BTBD8: variants seen among roughly 807,000 people sequenced by gnomAD.
The protein encoded by BTBD8 is BTB domain containing 8, also known as BTB/POZ domain-containing protein 8.
A neutral mutation model predicts 162.9 loss-of-function variants in BTBD8; 110 were observed. The ratio of observed to expected loss-of-function variants is 0.68; its 90% CI spans 0.58 to 0.79. The LOEUF (loss-of-function observed/expected upper bound fraction) is 0.79, where lower values mean the gene tolerates loss of function less well. Ranked by LOEUF, BTBD8 falls within the 30% of genes least tolerant of loss-of-function variation. BTBD8 has a pLI of 0.00. For missense variants in BTBD8, 1,905 were observed against 2,085.4 expected (o/e 0.91, Z 1.68); for synonymous variants, 667 against 716.1 (o/e 0.93, Z 1.10).
At chr1:92,151,352 CAAAAA>C (rs11406119) in intron 9 of BTBD8, among the ~76,000 whole-genome samples, 1 of 127,966 alleles carries the variant, frequency 7.8e-6, no homozygotes, top group Non-Finnish European at 1.6e-5. Flanking sequence ...GAAACTGTCT[CAAAAA>C]AAAAAAAAAA....
chr1:92,116,425 G>A (rs1649044194), intron 4 of BTBD8, among the ~76,000 whole-genome samples: 1 of 152,008 alleles, frequency 6.6e-6, no homozygotes, highest in South Asian at 2.1e-4. Flanking sequence ...TACTGATGGA[G>A]TATTGAAGTC....
intron 4 of BTBD8, chr1:92,126,463 T>C: frequency 2.2e-6 from 2 of 897,114 alleles, no homozygotes; most frequent in South Asian, 1.3e-5. Flanking sequence ...TGTCACTGTC[T>C]GAAATCTGCC....
At chr1:92,096,553 T>C (rs374983895) in intron 2 of BTBD8, among the ~76,000 whole-genome samples, 2 of 140,296 alleles carry the variant, frequency 1.4e-5, no homozygotes, top group East Asian at 4.0e-4. Flanking sequence ...TATATTTCCT[T>C]TTTTTTTTTT....
chr1:92,181,927 T>C lies in BTBD8; in HGVS notation c.4244T>C (p.Leu1415Ser). Reference protein sequence around the residue: ...APQQFQGIINLAFEDATENEC... With the variant: ...APQQFQGIINSAFEDATENEC... Reference sequence around the variant, plus strand: ...CAGCAGTTTCAGGGAATAATTAATTTAGCTTTTGAAGATGCAACTGAAAAT... The same window carrying C: ...CAGCAGTTTCAGGGAATAATTAATTCAGCTTTTGAAGATGCAACTGAAAAT... Residue 1415 changes from leucine (L) to serine (S), a missense_variant, in exon 17 of 18, where the codon TTA (leucine) becomes TCA (serine). Physicochemically the swap from Leu to Ser is moderately radical, Grantham distance 145 (BLOSUM62 -2). Transcript: ENST00000636805. The C allele has an allele frequency of 1.9e-6, 3 of 1,551,590 alleles. No individual in the cohort carries two copies. Among genetic ancestry groups the C allele is most frequent in the Non-Finnish European group, 2.6e-6 (3 of 1,146,902 alleles).
At chr1:92,112,700 T>C (rs898421444) in intron 4 of BTBD8, among the ~76,000 whole-genome samples, 13 of 152,180 alleles carry the variant, frequency 8.5e-5, no homozygotes, top group African/African-American at 3.1e-4. Flanking sequence ...CTATAGTCAA[T>C]GGATGTCACA....
chr1:92,080,704 A>G lies in BTBD8; in HGVS notation c.133A>G (p.Ser45Gly), dbSNP rs916389575. Residue 45 changes from serine to glycine, a missense_variant, in exon 1 of 18, where the codon AGC becomes GGC. Physicochemically the swap from Ser to Gly is moderately conservative, Grantham distance 56. Coordinates refer to ENST00000636805, the MANE Select transcript of BTBD8 (RefSeq NM_001376131.1). ...RLKATVSEQL[S>G]QDLLRLLREE... is the part of the protein sequence containing the mutation. ...GAAGGCGACGGTGTCGGAGCAGCTC[A>G]GCCAGGATTTGCTCAGGTAGGAGGA... 1.2e-6 allele frequency: 2 copies of G among 1,611,612 alleles called. No homozygotes were observed. The highest frequency in any genetic ancestry group is 1.7e-6 in the Non-Finnish European group (2 of 1,179,124).
At chr1:92,107,782 A>G in intron 3 of BTBD8, 102 bp from the exon 4 acceptor site, 1 of 877,808 alleles carries the variant, frequency 1.1e-6, no homozygotes, top group South Asian at 1.8e-5. Flanking sequence ...ATTCCAACTA[A>G]TTGAGATAAT....
At chr1:92,109,083 G>A (rs553861) in intron 4 of BTBD8, among the ~76,000 whole-genome samples, 107,644 of 152,026 alleles carry the variant, frequency 0.71, 38,729 homozygotes, top group East Asian at 0.97. Context: ...CTATGGGACT[G>A]TGTACTTTGT....
chr1:92,169,718 T>C (rs1014825274), intron 12 of BTBD8, among the ~76,000 whole-genome samples: 1 of 152,226 alleles, frequency 6.6e-6, no homozygotes, highest in Non-Finnish European at 1.5e-5. Flanking sequence ...GACTGAATTT[T>C]ATGAAGCAAA....
At position 92,184,129 on chromosome 1, in the gene BTBD8, G is replaced by C; in HGVS notation, c.5178G>C (p.Gln1726His). The change falls in exon 18 of 18, where the codon CAG becomes CAC. Residue 1726 changes from glutamine to histidine, a missense_variant. Physicochemically the swap from Gln to His is conservative, Grantham distance 24 (BLOSUM62 0). Transcript: ENST00000636805. ...NSVPEDLSLA[Q>H]YLINQTLLLA... ...TTCCTGAAGACTTAAGTTTAGCACA[G>C]TATCTAATCAATCAGACACTACTTT... 6 of 1,551,638 alleles carry C rather than the reference G, an allele frequency of 3.9e-6. No homozygotes were observed. Among genetic ancestry groups the C allele is most frequent in the Non-Finnish European group, 5.2e-6 (6 of 1,146,866 alleles).
chr1:92,174,563 AG>A (rs1258487344), intron 13 of BTBD8, among the ~76,000 whole-genome samples: 1 of 152,164 alleles, frequency 6.6e-6, no homozygotes, highest in Non-Finnish European at 1.5e-5. Context: ...TTCAGTGTTA[AG>A]GGTGGGAAGG....
intron 1 of BTBD8, among the ~76,000 whole-genome samples, chr1:92,081,575 C>T (rs938615728): frequency 1.3e-5 from 2 of 151,856 alleles, no homozygotes; most frequent in Non-Finnish European, 2.9e-5. Flanking sequence ...GTGCAGCATT[C>T]TACTTTTTTT....
chr1:92,161,373 C>T (rs1462235378), intron 9 of BTBD8, among the ~76,000 whole-genome samples: 1 of 152,164 alleles, frequency 6.6e-6, no homozygotes, highest in Non-Finnish European at 1.5e-5. Context: ...TATGAAAGTG[C>T]TGCTACATTA....
At chr1:92,088,068 C>T (rs969637510) in intron 1 of BTBD8, among the ~76,000 whole-genome samples, 5 of 152,098 alleles carry the variant, frequency 3.3e-5, no homozygotes, top group African/African-American at 7.2e-5. Context: ...GAAAGGATCA[C>T]GAATCCATCA....
In BTBD8 at chr1:92,129,755, A is replaced by G. The variant is rs950296258; in HGVS notation, c.731A>G (p.Gln244Arg). ...AGTGGCTGTTGGGCTGAAAGCTCCCAAGAGTACGTTACTCTTCAAGGGTAA... is the reference window on the plus strand; with the variant it reads ...AGTGGCTGTTGGGCTGAAAGCTCCCGAGAGTACGTTACTCTTCAAGGGTAA... ...MLSGCWAESS[Q>R]EYVTLQGISH... is the part of the protein sequence containing the mutation. Residue 244 changes from glutamine to arginine, a missense_variant, in exon 5 of 18, where the codon CAA becomes CGA. By Grantham distance (43) the Gln-to-Arg change is conservative. Coordinates refer to ENST00000636805, the MANE Select transcript of BTBD8 (RefSeq NM_001376131.1). 6.2e-7 allele frequency: 1 copy of G among 1,614,036 alleles called. No homozygotes were observed. The highest frequency in any genetic ancestry group is 1.3e-5 in the African/African-American group (1 of 75,054).
intron 5 of BTBD8, among the ~76,000 whole-genome samples, chr1:92,137,123 A>T (rs1418877114): frequency 1.3e-5 from 2 of 152,192 alleles, no homozygotes; most frequent in African/African-American, 4.8e-5. Flanking sequence ...GAGTAAGTTT[A>T]GTTATCTTGG....
chr1:92,116,786 T>G (rs185956692), intron 4 of BTBD8, among the ~76,000 whole-genome samples: 1 of 152,132 alleles, frequency 6.6e-6, no homozygotes. Context: ...CTCCTTTTAA[T>G]TGGAGTAGAC....
chr1:92,172,441 G>A (rs1650575886), intron 13 of BTBD8, among the ~76,000 whole-genome samples: 2 of 152,146 alleles, frequency 1.3e-5, no homozygotes, highest in Non-Finnish European at 2.9e-5. Context: ...TGTTTTGTGT[G>A]TTGTTTGTTT....
chr1:92,129,270 G>A (rs974581615), intron 4 of BTBD8, among the ~76,000 whole-genome samples: 2 of 152,090 alleles, frequency 1.3e-5, no homozygotes, highest in African/African-American at 2.4e-5. Context: ...ATTGCTTGAG[G>A]TCTAGAGTTT....
Sources: gnomAD v4.1 joint callset for allele counts (sites outside exome capture counted in the v4.1 genomes callset) on GRCh38, gnomAD v4.1.1 for gene constraint, MANE v1.5 for transcripts, NCBI Gene and HGNC (gene_info 2026-07-23, HGNC 2026-07-21) for gene names.